The following XYLT1 variants were observed in gnomAD, a reference collection of about 807,000 sequenced individuals.
XYLT1 encodes xylosyltransferase 1, also known as beta-D-xylosyltransferase 1.
XYLT1 carries 36 observed loss-of-function variants against 91.3 expected under a neutral mutation model. That is an observed-to-expected ratio of 0.39 (90% CI 0.30 to 0.52). XYLT1 has a LOEUF of 0.52. XYLT1 is among the 20% of genes least tolerant of loss of function. The probability of loss-of-function intolerance (pLI) is 0.68; values close to 1 mark genes in which losing one functional copy is unlikely to be tolerated. For missense variants in XYLT1, 1,242 were observed against 1,284.5 expected (o/e 0.97, Z 0.51); for synonymous variants, 588 against 532.0 (o/e 1.11, Z -1.45).
At position 17,102,247 on chromosome 16, in the gene XYLT1, A is replaced by G. The variant is rs1177125708; in HGVS notation, c.*6448T>C. The G allele has an allele frequency of 6.6e-6, 1 of 152,622 alleles. No homozygotes were observed. The highest frequency in any genetic ancestry group is 1.9e-4 in the East Asian group (1 of 5,194). 9.5% of individuals were successfully genotyped at this position (152,622 alleles called of 1,614,324 possible). ...ATTATATAGTCATCCTATCTTCACCATGCAGATGACAGAAGAGAATATGAG... is the reference window on the plus strand; with the variant it reads ...ATTATATAGTCATCCTATCTTCACCGTGCAGATGACAGAAGAGAATATGAG... On this transcript the variant is annotated 3_prime_UTR_variant, in exon 12 of 12. Transcript: ENST00000261381.
intron 3 of XYLT1, among the ~76,000 whole-genome samples, chr16:17,230,644 C>G (rs1383696357): frequency 6.6e-6 from 1 of 152,218 alleles, no homozygotes; most frequent in Non-Finnish European, 1.5e-5. Context: ...ATACCCTGCT[C>G]TTTTGGCAGC....
At chr16:17,421,499 G>T (rs961353325) in intron 1 of XYLT1, among the ~76,000 whole-genome samples, 9 of 152,132 alleles carry the variant, frequency 5.9e-5, no homozygotes, top group Admixed American at 1.3e-4. Flanking sequence ...TAACTTTATG[G>T]CAGCTTCCAC....
intron 3 of XYLT1, among the ~76,000 whole-genome samples, chr16:17,224,681 C>A (rs186236328): frequency 3.2e-4 from 48 of 152,308 alleles, no homozygotes; most frequent in Middle Eastern, 3.4e-3. Flanking sequence ...CCAGAGACAG[C>A]TAACCATCCA....
intron 1 of XYLT1, among the ~76,000 whole-genome samples, chr16:17,455,506 T>G (rs2036728394): frequency 6.6e-6 from 1 of 152,064 alleles, no homozygotes; most frequent in Non-Finnish European, 1.5e-5. Context: ...ATCCCAGCAC[T>G]CTGGGAGGCC....
chr16:17,409,722 G>A (rs2036083596), intron 1 of XYLT1, among the ~76,000 whole-genome samples: 1 of 151,750 alleles, frequency 6.6e-6, no homozygotes, highest in African/African-American at 2.4e-5. Flanking sequence ...ACTAATTTTT[G>A]TATGTTTAGT....
chr16:17,131,404 C>A (rs142437719), intron 9 of XYLT1, among the ~76,000 whole-genome samples: 1 of 152,154 alleles, frequency 6.6e-6, no homozygotes, highest in Non-Finnish European at 1.5e-5. Context: ...TATTTAAATA[C>A]GATGAGCACT....
intron 2 of XYLT1, among the ~76,000 whole-genome samples, chr16:17,335,093 C>T (rs956490292): frequency 2.6e-5 from 4 of 151,802 alleles, no homozygotes; most frequent in Admixed American, 1.3e-4. Flanking sequence ...GGCATGGTGG[C>T]GGGTGCCTCT....
At chr16:17,354,105 A>AT (rs1054830726) in intron 2 of XYLT1, among the ~76,000 whole-genome samples, 142 of 150,992 alleles carry the variant, frequency 9.4e-4, no homozygotes, top group African/African-American at 1.7e-3. Flanking sequence ...CTCCTTTTTT[A>AT]TTTTTTTTTC....
rs2033688643 is a variant in XYLT1 at position 17,259,428 on chromosome 16, T to G, written c.473A>C (p.Lys158Thr). 1.9e-6 allele frequency: 3 copies of G among 1,613,944 alleles called. No individual in the cohort carries two copies. In the South Asian group the frequency reaches 3.3e-5, roughly 18 times the overall value. ...GCTGTTGTCGACATTCTCAAAGTCT[T>G]TGGGGACAGAGTTCTCGTTGTTGCT... ...TDSNNENSVP[K>T]DFENVDNSNF... The change falls in exon 3 of 12, where the codon AAA becomes ACA. Residue 158 changes from lysine (K) to threonine (T), a missense_variant. This residue lies in a region of XYLT1 where 437 missense variants were observed against 411.5 expected (regional missense o/e 1.06). Coordinates refer to ENST00000261381, the MANE Select transcript of XYLT1 (RefSeq NM_022166.4).
At chr16:17,383,923 T>C (rs2035715578) in intron 1 of XYLT1, among the ~76,000 whole-genome samples, 1 of 151,788 alleles carries the variant, frequency 6.6e-6, no homozygotes. Context: ...AATTTTTGTA[T>C]TTTTAGTAGA....
chr16:17,421,897 G>T (rs1169402135), intron 1 of XYLT1, among the ~76,000 whole-genome samples: 1 of 152,016 alleles, frequency 6.6e-6, no homozygotes. Context: ...GAATGCAGTG[G>T]TGCAATCTTG....
At chr16:17,198,783 C>T (rs2032480144) in intron 4 of XYLT1, among the ~76,000 whole-genome samples, 1 of 152,138 alleles carries the variant, frequency 6.6e-6, no homozygotes, top group Non-Finnish European at 1.5e-5. Flanking sequence ...CTCGCTCCGT[C>T]ACCCGGGCTG....
At chr16:17,419,881 A>G (rs2036229773) in intron 1 of XYLT1, among the ~76,000 whole-genome samples, 1 of 152,206 alleles carries the variant, frequency 6.6e-6, no homozygotes, top group Non-Finnish European at 1.5e-5. Flanking sequence ...ATGAGACAGG[A>G]GTTAGGAAAC....
At chr16:17,287,412 G>C (rs1358221341) in intron 2 of XYLT1, among the ~76,000 whole-genome samples, 2 of 152,128 alleles carry the variant, frequency 1.3e-5, no homozygotes, top group Non-Finnish European at 2.9e-5. Flanking sequence ...CACAGTCTCA[G>C]AAAAAACTCT....
chr16:17,470,286 C>T (rs1278446409), intron 1 of XYLT1, 148 bp downstream of exon 1: 22 of 1,042,096 alleles, frequency 2.1e-5, no homozygotes, highest in Non-Finnish European at 2.6e-5. Flanking sequence ...AGGGACCCCA[C>T]CCGGCTTCCC....
In XYLT1 at chr16:17,270,389, C is replaced by T. The variant is rs572542568; in HGVS notation, c.403-10891G>A. 3.9e-5 allele frequency among the ~76,000 whole-genome samples: 6 copies of T among 152,302 alleles called. No homozygotes were observed. In the East Asian group the frequency reaches 1.2e-3, roughly 29 times the overall value. ...TTAACCCACTCCCCTCTTCCCAACC[C>T]CACCAGGGGGACATGACAGTGACAG... On this transcript the variant is annotated intron_variant, in intron 2 of 11. Transcript: ENST00000261381.
rs562973516 is a variant in XYLT1, at chr16:17,339,151, C to G, written c.402+18861G>C. Among the ~76,000 whole-genome samples the G allele has an allele frequency of 5.3e-4, 81 of 152,312 alleles. 1 individual carries two copies. Among genetic ancestry groups the G allele is most frequent in the African/African-American group, 1.9e-3 (78 of 41,572 alleles). ...ATCTTGCTATGATTTCTCTCTCCAT[C>G]TAGCCCAGAGTCATTTTTCTGGAAT... is the stretch of plus-strand genomic sequence containing the variant. On this transcript the variant is annotated intron_variant, in intron 2 of 11. Coordinates refer to ENST00000261381, the MANE Select transcript of XYLT1 (RefSeq NM_022166.4).
intron 3 of XYLT1, among the ~76,000 whole-genome samples, chr16:17,231,841 T>C (rs2033160769): frequency 1.3e-5 from 2 of 152,108 alleles, no homozygotes; most frequent in South Asian, 4.1e-4. Context: ...AACTGGTAGT[T>C]GCTCTGGGTG....
At chr16:17,437,494 G>A (rs1015850640) in intron 1 of XYLT1, among the ~76,000 whole-genome samples, 18 of 152,156 alleles carry the variant, frequency 1.2e-4, no homozygotes, top group East Asian at 5.8e-4. Context: ...ATGGTCCCAC[G>A]TGAAGCCAAT....
Sources: allele counts gnomAD v4.1 joint callset (sites outside exome capture counted in the v4.1 genomes callset), GRCh38; gene constraint gnomAD v4.1.1; regional missense constraint gnomAD v4.1.1; transcripts MANE v1.5; gene names NCBI Gene and HGNC (gene_info 2026-07-23, HGNC 2026-07-21).